The following TMEM248 variants were observed in gnomAD, a reference collection of about 807,000 sequenced individuals.
TMEM248 encodes the protein UPF0458 protein C7orf42.
TMEM248 carries 9 observed loss-of-function variants against 30.3 expected under a neutral mutation model. The observed-to-expected ratio is 0.30, with a 90% CI of 0.18 to 0.52. TMEM248 has a LOEUF of 0.52. Among genes scored for constraint, TMEM248 ranks in the 20% least tolerant of loss-of-function variants. The probability of loss-of-function intolerance (pLI) is 0.97; values close to 1 mark genes in which losing one functional copy is unlikely to be tolerated. For synonymous variants in TMEM248, 184 were observed against 154.4 expected (o/e 1.19, Z -1.42); for missense variants, 338 against 403.3 (o/e 0.84, Z 1.39).
chr7:66,926,596 A>G (rs932447662), intron 1 of TMEM248, among the ~76,000 whole-genome samples: 3 of 150,814 alleles, frequency 2.0e-5, no homozygotes, highest in Non-Finnish European at 4.4e-5. Flanking sequence ...GGTTCGCACC[A>G]CTGCAGTCCA....
intron 2 of TMEM248, among the ~76,000 whole-genome samples, chr7:66,943,279 C>T (rs1277301343): frequency 2.0e-5 from 3 of 152,212 alleles, no homozygotes; most frequent in Non-Finnish European, 4.4e-5. Context: ...GAGCTTGAGT[C>T]CATGTTGAGC....
chr7:66,931,159 C>T (rs984696397), intron 1 of TMEM248, among the ~76,000 whole-genome samples: 8 of 151,828 alleles, frequency 5.3e-5, no homozygotes, highest in East Asian at 3.9e-4. Context: ...CAAAATTAGC[C>T]GGACGTGGTG....
intron 1 of TMEM248, among the ~76,000 whole-genome samples, chr7:66,935,015 C>T (rs60475251): frequency 6.6e-6 from 1 of 151,452 alleles, no homozygotes; most frequent in Non-Finnish European, 1.5e-5. Flanking sequence ...AGATTGTGCC[C>T]CTGCACTCCA....
At chr7:66,921,902 T>G (rs1009102893) in intron 1 of TMEM248, 2 of 152,270 alleles carry the variant, frequency 1.3e-5, no homozygotes, top group African/African-American at 4.8e-5. Context: ...ATAGTGGTGT[T>G]CCCTGTGTCA....
rs1792414859 is a variant in TMEM248 at position 66,956,756 on chromosome 7, C to G, written c.*1234C>G. On this transcript the variant is annotated 3_prime_UTR_variant, in exon 7 of 7. Transcript: ENST00000341567. Reference sequence around the variant, plus strand: ...AGGCTGGAGCTTAGCTCAGTGCAGCCTCCAACTCCTGGGCTCAAGCAATCC... The same window carrying G: ...AGGCTGGAGCTTAGCTCAGTGCAGCGTCCAACTCCTGGGCTCAAGCAATCC... 1 of 152,122 alleles carries G rather than the reference C, an allele frequency of 6.6e-6. No homozygotes were observed. Among genetic ancestry groups the G allele is most frequent in the African/African-American group, 2.4e-5 (1 of 41,420 alleles). The allele number at this position is 152,122 out of a possible 1,614,324, so 9.4% of individuals were successfully genotyped here.
rs1792442933 is a variant in TMEM248 at position 66,958,042 on chromosome 7, A to G, written c.*2520A>G. The G allele has an allele frequency of 1.3e-5, 2 of 152,644 alleles. No individual in the cohort carries two copies. The highest frequency in any genetic ancestry group is 2.4e-5 in the African/African-American group (1 of 41,482). 9.5% of individuals were successfully genotyped at this position (152,644 alleles called of 1,614,324 possible). A position where few individuals can be genotyped will look rare whatever the true frequency, so the allele number is the denominator to read the frequency against. ...CGGGAAGCCCAGGGGACCTGTCACC[A>G]TCTGGGCACTTCCCAGGCTCAATGC... On this transcript the variant is annotated 3_prime_UTR_variant, in exon 7 of 7. Coordinates refer to ENST00000341567, the MANE Select transcript of TMEM248 (RefSeq NM_017994.5).
chr7:66,948,394 G>T (rs1792172089), intron 3 of TMEM248, 150 bp from the exon 4 acceptor site: 2 of 933,466 alleles, frequency 2.1e-6, no homozygotes, highest in East Asian at 5.3e-5. Context: ...TCAGGGTCAG[G>T]ACTGCTCTTC....
chr7:66,953,397 C>G, intron 6 of TMEM248, 28 bp downstream of exon 6: 2 of 1,610,156 alleles, frequency 1.2e-6, no homozygotes, highest in Non-Finnish European at 1.7e-6. Flanking sequence ...TCCGGGCCAG[C>G]ATTTTACTAG....
At chr7:66,953,540 A>T (rs1049015787) in intron 6 of TMEM248, among the ~76,000 whole-genome samples, 171 bp downstream of exon 6, 5 of 152,164 alleles carry the variant, frequency 3.3e-5, no homozygotes, top group African/African-American at 1.2e-4. Context: ...GGATATCGAA[A>T]TTCATGAATG....
At position 66,945,271 on chromosome 7, in the gene TMEM248, A is replaced by G; in HGVS notation, c.445+10A>G. The G allele has an allele frequency of 6.2e-7, 1 of 1,609,718 alleles. No homozygotes were observed. The highest frequency in any genetic ancestry group is 1.3e-5 in the African/African-American group (1 of 74,956). On this transcript the variant is annotated intron_variant, in intron 3 of 6. Coordinates refer to ENST00000341567, the MANE Select transcript of TMEM248 (RefSeq NM_017994.5). ...CAGATTGGACTTTCAGGTATGCAGT[A>G]GCCACTCTCCACTCAGGCTCCTTAG...
chr7:66,931,354 A>G (rs989759453), intron 1 of TMEM248, among the ~76,000 whole-genome samples: 1 of 151,934 alleles, frequency 6.6e-6, no homozygotes, highest in African/African-American at 2.4e-5. Flanking sequence ...AGTTAGTTTA[A>G]AACTTGGACA....
intron 3 of TMEM248, among the ~76,000 whole-genome samples, chr7:66,948,260 T>G (rs952220578): frequency 5.9e-5 from 9 of 152,218 alleles, no homozygotes; most frequent in African/African-American, 2.2e-4. Flanking sequence ...TGGGGATAAT[T>G]CACCCAGCCC....
chr7:66,950,975 A>G lies in TMEM248; in HGVS notation c.620A>G (p.Asp207Gly). ...AGACAGCCACCGCACTGTGTTCCTG[A>G]CACGTACAGCAACGCCACGCTCTGG... ...VTVQPPHCVP[D>G]TYSNATLWYK... The change falls in exon 5 of 7, where the codon GAC becomes GGC. Residue 207 changes from aspartate (D) to glycine (G), a missense_variant. Coordinates refer to ENST00000341567, the MANE Select transcript of TMEM248 (RefSeq NM_017994.5). 2 of 1,602,964 alleles carry G rather than the reference A, an allele frequency of 1.2e-6. No homozygotes were observed. Among genetic ancestry groups the G allele is most frequent in the Non-Finnish European group, 1.7e-6 (2 of 1,175,110 alleles).
intron 6 of TMEM248, among the ~76,000 whole-genome samples, chr7:66,954,215 A>G (rs1158801767): frequency 1.3e-5 from 2 of 152,056 alleles, no homozygotes; most frequent in Non-Finnish European, 2.9e-5. Context: ...AAGTGCTGGG[A>G]TCACAGGCGT....
At chr7:66,939,527 CTT>C (rs1791891926) in intron 1 of TMEM248, among the ~76,000 whole-genome samples, 1 of 152,182 alleles carries the variant, frequency 6.6e-6, no homozygotes, top group African/African-American at 2.4e-5. Context: ...CTGATACAGA[CTT>C]TTTAAAAAAT....
Position 66,953,312 on chromosome 7 carries a change from T to A in TMEM248, c.867T>A (p.Val289=). ...TGATAACAATGTTTTGCTATGCTGT[T>A]ATCAAGGGCAGACCTAGCAAATTGC... ...VMVITMFCYA[V]IKGRPSKLRQ... is the part of the protein sequence containing the mutation. The change falls in exon 6 of 7, where the codon GTT becomes GTA. Residue 289 remains valine, a synonymous_variant. Coordinates refer to ENST00000341567, the MANE Select transcript of TMEM248 (RefSeq NM_017994.5). The A allele has an allele frequency of 6.2e-7, 1 of 1,614,198 alleles. No homozygotes were observed. The highest frequency in any genetic ancestry group is 8.5e-7 in the Non-Finnish European group (1 of 1,180,034).
chr7:66,952,905 G>T lies in TMEM248; in HGVS notation c.781-321G>T, dbSNP rs527684364. ...CAGAAAGGAGTGGGGCTTAAAGATG[G>T]AGTGTCTGCAGCATTTGCAGGGGAG... is the stretch of plus-strand genomic sequence containing the variant. On this transcript the variant is annotated intron_variant, in intron 5 of 6. Coordinates refer to ENST00000341567, the MANE Select transcript of TMEM248 (RefSeq NM_017994.5). 5.9e-5 allele frequency among the ~76,000 whole-genome samples: 9 copies of T among 152,314 alleles called. No individual in the cohort carries two copies. In the South Asian group the frequency reaches 1.9e-3, roughly 32 times the overall value.
chr7:66,953,202 A>AT (rs767146942), intron 5 of TMEM248, 24 bp from the exon 6 acceptor site: 31 of 1,611,612 alleles, frequency 1.9e-5, no homozygotes, highest in South Asian at 6.6e-5. Flanking sequence ...GATGTTTCTG[A>AT]TTTTTTTTCT....
In TMEM248 at chr7:66,955,572, G is replaced by T. The variant is rs895798517; in HGVS notation, c.*50G>T. Reference sequence around the variant, plus strand: ...AGAGACTGAGAGAACCATAATCCTTGCCTGCTGAACCCAGCCTGGGCCTGG... The same window carrying T: ...AGAGACTGAGAGAACCATAATCCTTTCCTGCTGAACCCAGCCTGGGCCTGG... On this transcript the variant is annotated 3_prime_UTR_variant, in exon 7 of 7. Transcript: ENST00000341567. 1 of 1,611,678 alleles carries T rather than the reference G, an allele frequency of 6.2e-7. No homozygotes were observed. Among genetic ancestry groups the T allele is most frequent in the Non-Finnish European group, 8.5e-7 (1 of 1,178,828 alleles).
Sources: gnomAD v4.1 joint callset for allele counts (sites outside exome capture counted in the v4.1 genomes callset) on GRCh38, gnomAD v4.1.1 for gene constraint, MANE v1.5 for transcripts, NCBI Gene and HGNC (gene_info 2026-07-23, HGNC 2026-07-21) for gene names.